Variants in RLIG1 observed in about 807,000 individuals in gnomAD.
RLIG1 encodes RNA 5'-phosphate and 3'-OH ligase 1.
At chr12:88,049,448 A>G in the RLIG1 span, 1 of 1,064,654 alleles carries the variant, frequency 9.4e-7, no homozygotes, top group South Asian at 1.5e-5. Flanking sequence ...AGTTGCATAT[A>G]GGAAATATAC....
At chr12:88,049,291 C>CCTTCT in the RLIG1 span, 12 of 1,605,640 alleles carry the variant, frequency 7.5e-6, no homozygotes, top group East Asian at 2.7e-4. Context: ...AGTTTTTTTA[C>CCTTCT]CTTCTCTTCT....
the RLIG1 span, among the ~76,000 whole-genome samples, chr12:88,046,473 T>G: frequency 6.6e-6 from 1 of 152,102 alleles, no homozygotes; most frequent in Non-Finnish European, 1.5e-5. Context: ...TATTTTAAGT[T>G]TTGTAGGCCA....
At chr12:88,049,301 T>G in the RLIG1 span, 1 of 1,586,856 alleles carries the variant, frequency 6.3e-7, no homozygotes, top group Non-Finnish European at 8.6e-7. Flanking sequence ...CCTTCTCTTC[T>G]AAGAGAATAT....
At chr12:88,048,181 T>C in the RLIG1 span, 4 of 1,343,118 alleles carry the variant, frequency 3.0e-6, no homozygotes, top group Non-Finnish European at 3.9e-6. Context: ...TATTTCTAAG[T>C]GAATGAAGAT....
chr12:88,046,956 A>T, the RLIG1 span: 3 of 1,609,494 alleles, frequency 1.9e-6, no homozygotes, highest in Non-Finnish European at 1.7e-6. Flanking sequence ...GTGGCATTGC[A>T]GTGATGGCTG....
the RLIG1 span, among the ~76,000 whole-genome samples, chr12:88,043,405 T>C: frequency 6.6e-6 from 1 of 152,132 alleles, no homozygotes; most frequent in African/African-American, 2.4e-5. Context: ...AAATGGCGTA[T>C]ATGAAATTGA....
the RLIG1 span, among the ~76,000 whole-genome samples, chr12:88,038,918 A>AT: frequency 6.6e-6 from 1 of 152,218 alleles, no homozygotes; most frequent in Non-Finnish European, 1.5e-5. Context: ...CTTGTTTATC[A>AT]TGCAGTTGAG....
At chr12:88,036,158 G>C in the RLIG1 span, 2 of 1,126,330 alleles carry the variant, frequency 1.8e-6, no homozygotes, top group Non-Finnish European at 1.2e-6. Flanking sequence ...TACCTGTTCT[G>C]TCCGAACCAG....
the RLIG1 span, chr12:88,040,000 CAG>C: frequency 1.3e-5 from 8 of 615,890 alleles, no homozygotes; most frequent in East Asian, 2.4e-4. Flanking sequence ...CGGAACTTCA[CAG>C]AATAAATATT....
chr12:88,040,249 T>C, the RLIG1 span: 7 of 1,556,592 alleles, frequency 4.5e-6, no homozygotes, highest in African/African-American at 5.5e-5. Context: ...CATGTTGTTA[T>C]GTTACTACCT....
the RLIG1 span, chr12:88,045,743 G>A: frequency 1.2e-6 from 2 of 1,613,014 alleles, no homozygotes; most frequent in Non-Finnish European, 1.7e-6. Flanking sequence ...ACAAACACTG[G>A]AACTCATAGG....
chr12:88,039,531 G>T, the RLIG1 span, among the ~76,000 whole-genome samples: 1 of 152,152 alleles, frequency 6.6e-6, no homozygotes, highest in Non-Finnish European at 1.5e-5. Context: ...GCATTCTTCA[G>T]ACACATCAAG....
chr12:88,042,568 CA>C, the RLIG1 span: 1 of 252,128 alleles, frequency 4.0e-6, no homozygotes, highest in Non-Finnish European at 7.5e-6. Flanking sequence ...CTAACTCATA[CA>C]ATATGACTAT....
the RLIG1 span, chr12:88,048,120 T>TAAGA: frequency 7.9e-6 from 5 of 633,780 alleles, no homozygotes; most frequent in African/African-American, 5.7e-5. Flanking sequence ...AAAAAAACAG[T>TAAGA]AAGATAAAGT....
At chr12:88,046,865 A>C in the RLIG1 span, 6 of 1,613,206 alleles carry the variant, frequency 3.7e-6, no homozygotes, top group Non-Finnish European at 5.1e-6. Context: ...CATTTCAAAT[A>C]AGAAATCTAC....
At chr12:88,036,837 CT>C in the RLIG1 span, among the ~76,000 whole-genome samples, 36 of 147,468 alleles carry the variant, frequency 2.4e-4, no homozygotes, top group East Asian at 9.9e-4. Flanking sequence ...CAGTAATTGG[CT>C]TTTTTTTTTA....
the RLIG1 span, among the ~76,000 whole-genome samples, chr12:88,036,384 T>G: frequency 6.6e-6 from 1 of 152,194 alleles, no homozygotes; most frequent in Non-Finnish European, 1.5e-5. Context: ...ATCAGTAGAA[T>G]CCCCAGTGAT....
At chr12:88,046,785 A>T in the RLIG1 span, 1 of 1,584,452 alleles carries the variant, frequency 6.3e-7, no homozygotes, top group Non-Finnish European at 8.6e-7. Context: ...GAATATGGCT[A>T]ATGGCAAATT....
At chr12:88,042,173 T>C in the RLIG1 span, 3 of 152,176 alleles carry the variant, frequency 2.0e-5, no homozygotes, top group Admixed American at 6.5e-5. Flanking sequence ...GGCAAACAGC[T>C]TGGAACCAGG....
Sources: allele counts gnomAD v4.1 joint callset (sites outside exome capture counted in the v4.1 genomes callset), GRCh38; gene constraint gnomAD v4.1.1; transcripts MANE v1.5; gene names NCBI Gene and HGNC (gene_info 2026-07-23, HGNC 2026-07-21).